DCAF6: variants seen among roughly 807,000 people sequenced by gnomAD.
The protein encoded by DCAF6 is DDB1- and CUL4-associated factor 6.
In DCAF6, 54 loss-of-function variants were observed where a neutral mutation model predicts 125.1. That is an observed-to-expected ratio of 0.43 (90% confidence interval 0.35 to 0.54). DCAF6 has a LOEUF of 0.54. Among genes scored for constraint, DCAF6 ranks in the 20% least tolerant of loss-of-function variants. The probability of loss-of-function intolerance (pLI) is 0.01; values close to 1 mark genes in which losing one functional copy is unlikely to be tolerated. For missense variants in DCAF6, 934 were observed against 1,161.7 expected (o/e 0.80, Z 2.85); for synonymous variants, 371 against 390.4 (o/e 0.95, Z 0.58).
At chr1:167,882,357 TGCCTGTAATCCCA>T in the DCAF6 span, among the ~76,000 whole-genome samples, 2 of 151,850 alleles carry the variant, frequency 1.3e-5, no homozygotes, top group Non-Finnish European at 2.9e-5. Flanking sequence ...TGGTGGCGCA[TGCCTGTAATCCCA>T]GCTACTCAGG....
chr1:167,985,561 G>T (rs1679881448), intron 4 of DCAF6, among the ~76,000 whole-genome samples: 1 of 151,942 alleles, frequency 6.6e-6, no homozygotes, highest in African/African-American at 2.4e-5. Flanking sequence ...GGCCTCTGTG[G>T]ATAATTTAGG....
At chr1:167,894,255 C>T in the DCAF6 span, among the ~76,000 whole-genome samples, 3 of 152,070 alleles carry the variant, frequency 2.0e-5, no homozygotes. Context: ...GAGATGGGAA[C>T]AAACAAATGA....
chr1:167,876,117 C>T, the DCAF6 span, among the ~76,000 whole-genome samples: 4 of 152,020 alleles, frequency 2.6e-5, no homozygotes, highest in Non-Finnish European at 5.9e-5. Context: ...ATTAGCTGGG[C>T]GTGGTGGCTT....
intron 1 of DCAF6, among the ~76,000 whole-genome samples, chr1:167,939,937 A>G (rs1671974490): frequency 6.6e-6 from 1 of 152,200 alleles, no homozygotes; most frequent in South Asian, 2.1e-4. Flanking sequence ...TTTTTCTGAT[A>G]CATTTTCATT....
chr1:167,886,443 A>G, the DCAF6 span, among the ~76,000 whole-genome samples: 1 of 152,144 alleles, frequency 6.6e-6, no homozygotes, highest in Non-Finnish European at 1.5e-5. Context: ...GACAAGAAAT[A>G]GGGAAAGGAT....
chr1:167,951,276 T>C (rs1673892554), intron 1 of DCAF6, among the ~76,000 whole-genome samples: 1 of 152,130 alleles, frequency 6.6e-6, no homozygotes, highest in Non-Finnish European at 1.5e-5. Context: ...GCCCTTTCTG[T>C]CCTTAAAATA....
chr1:168,068,485 C>T, intron 21 of DCAF6, 22 bp downstream of exon 21: 1 of 1,234,674 alleles, frequency 8.1e-7, no homozygotes, highest in Non-Finnish European at 1.1e-6. Context: ...AAGTATACTA[C>T]TAAAACCATT....
At chr1:167,885,894 G>A in the DCAF6 span, among the ~76,000 whole-genome samples, 1 of 152,202 alleles carries the variant, frequency 6.6e-6, no homozygotes, top group South Asian at 2.1e-4. Flanking sequence ...GATTACAGCT[G>A]TGAGCCACTG....
chr1:167,888,550 T>G, the DCAF6 span, among the ~76,000 whole-genome samples: 1 of 152,210 alleles, frequency 6.6e-6, no homozygotes, highest in East Asian at 1.9e-4. Flanking sequence ...TCTTGATTTC[T>G]TTTTCAGATT....
chr1:167,932,302 A>G (rs994356575), upstream of DCAF6, among the ~76,000 whole-genome samples: 4 of 152,140 alleles, frequency 2.6e-5, no homozygotes, highest in African/African-American at 9.7e-5. Context: ...CTGCAATAAT[A>G]TATTTTTGTA....
chr1:168,025,272 T>C (rs1379248215), intron 12 of DCAF6, among the ~76,000 whole-genome samples: 2 of 152,192 alleles, frequency 1.3e-5, no homozygotes, highest in Non-Finnish European at 2.9e-5. Context: ...AAAATTATGA[T>C]TAACTCCCAG....
chr1:168,006,381 G>A (rs1277264815), intron 10 of DCAF6, among the ~76,000 whole-genome samples: 1 of 152,090 alleles, frequency 6.6e-6, no homozygotes, highest in African/African-American at 2.4e-5. Flanking sequence ...ATTTTTAACT[G>A]GGAGATTATT....
intron 4 of DCAF6, among the ~76,000 whole-genome samples, chr1:167,976,853 T>A (rs531107880): frequency 6.6e-6 from 1 of 151,580 alleles, no homozygotes; most frequent in African/African-American, 2.4e-5. Flanking sequence ...TTCCATGTTG[T>A]ATCATTTTGT....
At chr1:167,949,827 T>C (rs991364787) in intron 1 of DCAF6, among the ~76,000 whole-genome samples, 2 of 152,230 alleles carry the variant, frequency 1.3e-5, no homozygotes, top group African/African-American at 2.4e-5. Flanking sequence ...ATTAAGGTAC[T>C]GTTCTTATTT....
the DCAF6 span, among the ~76,000 whole-genome samples, chr1:167,927,104 G>A: frequency 2.6e-5 from 4 of 152,182 alleles, no homozygotes; most frequent in East Asian, 7.7e-4. Flanking sequence ...CCATGTTCAG[G>A]ATAGATGCTA....
At chr1:168,024,794 ACT>A (rs1197473184) in intron 12 of DCAF6, among the ~76,000 whole-genome samples, 1 of 145,384 alleles carries the variant, frequency 6.9e-6, no homozygotes, top group Admixed American at 7.0e-5. Flanking sequence ...GCAGAGTGAG[ACT>A]CTGTATCCAA....
intron 2 of DCAF6, among the ~76,000 whole-genome samples, chr1:167,957,101 ATT>A (rs113943976): frequency 6.7e-6 from 1 of 149,854 alleles, no homozygotes; most frequent in African/African-American, 2.5e-5. Context: ...GTGGACATTT[ATT>A]TTTTTTTTAA....
chr1:167,976,885 A>AGTT (rs1678283438), intron 4 of DCAF6, among the ~76,000 whole-genome samples: 1 of 64,984 alleles, frequency 1.5e-5, no homozygotes, highest in Non-Finnish European at 3.0e-5. Context: ...ATCCTTTAGC[A>AGTT]GTTTTTTTTT....
chr1:168,056,683 A>G (rs1488822019), intron 17 of DCAF6, among the ~76,000 whole-genome samples: 6 of 152,248 alleles, frequency 3.9e-5, no homozygotes, highest in African/African-American at 1.2e-4. Flanking sequence ...CTGTAGCGTA[A>G]TAAAGCCTCT....
Sources: gnomAD v4.1 joint callset for allele counts (sites outside exome capture counted in the v4.1 genomes callset) on GRCh38, gnomAD v4.1.1 for gene constraint, MANE v1.5 for transcripts, NCBI Gene and HGNC (gene_info 2026-07-23, HGNC 2026-07-21) for gene names.